The following COL23A1 variants were observed in gnomAD, a reference collection of about 807,000 sequenced individuals.
COL23A1 encodes the protein collagen alpha-1(XXIII) chain.
A neutral mutation model predicts 99.3 loss-of-function variants in COL23A1; 97 were observed. The observed-to-expected ratio is 0.98, with a 90% CI of 0.83 to 1.16. The LOEUF (loss-of-function observed/expected upper bound fraction) is 1.16. COL23A1 is among the 50% of genes most tolerant of loss of function. The probability of loss-of-function intolerance (pLI) is 0.00; values close to 1 mark genes in which losing one functional copy is unlikely to be tolerated. For missense variants in COL23A1, 762 were observed against 757.4 expected (o/e 1.01, Z -0.07); for synonymous variants, 320 against 308.2 (o/e 1.04, Z -0.40).
chr5:178,530,122 C>T (rs1185036776), intron 2 of COL23A1, among the ~76,000 whole-genome samples: 2 of 152,158 alleles, frequency 1.3e-5, no homozygotes, highest in South Asian at 2.1e-4. Context: ...AGATGCACAG[C>T]GGTTTTAAGC....
rs56140807 is a variant in COL23A1 at position 178,306,292 on chromosome 5, T to C, written c.406+583A>G. ...CATCAGAGGTCAGCATGACTTTAGCTAAGACGATGTCAGAGGGGCTTAGGG... is the reference window on the plus strand; with the variant it reads ...CATCAGAGGTCAGCATGACTTTAGCCAAGACGATGTCAGAGGGGCTTAGGG... On this transcript the variant is annotated intron_variant, in intron 3 of 28. Transcript: ENST00000390654. This position sits in a 1 kb window ranked among gnomAD's most constrained non-coding sequence, Gnocchi z 4.1. Among the ~76,000 whole-genome samples, 13,613 of 133,180 alleles carry C rather than the reference T, an allele frequency of 0.1. 638 individuals carry two copies. Among genetic ancestry groups the C allele is most frequent in the Middle Eastern group, 0.15 (43 of 278 alleles). 87.4% of individuals were successfully genotyped at this position (133,180 alleles called of 152,430 possible).
intron 9 of COL23A1, among the ~76,000 whole-genome samples, chr5:178,262,718 A>G (rs1765702713): frequency 6.6e-6 from 1 of 152,158 alleles, no homozygotes; most frequent in Admixed American, 6.5e-5. Flanking sequence ...AGGTCTGCAG[A>G]GACAGTGTCC....
intron 2 of COL23A1, among the ~76,000 whole-genome samples, chr5:178,557,421 G>A (rs1358761662): frequency 6.6e-6 from 1 of 152,204 alleles, no homozygotes; most frequent in East Asian, 1.9e-4. Context: ...ATTTTATTGA[G>A]GATGGGTGCA....
chr5:178,584,340 A>ACACACACACC (rs1763815066), intron 1 of COL23A1, among the ~76,000 whole-genome samples: 1 of 147,728 alleles, frequency 6.8e-6, no homozygotes, highest in Non-Finnish European at 1.5e-5. Flanking sequence ...ACACACACAC[A>ACACACACACC]CACCTAGAAA....
At chr5:178,541,497 C>T (rs1761285834) in intron 2 of COL23A1, among the ~76,000 whole-genome samples, 2 of 152,130 alleles carry the variant, frequency 1.3e-5, no homozygotes, top group Admixed American at 1.3e-4. Context: ...ATCGCTGGAA[C>T]CCAGGAGGTG....
At chr5:178,252,427 G>T in intron 17 of COL23A1, 117 bp downstream of exon 17, 1 of 942,710 alleles carries the variant, frequency 1.1e-6, no homozygotes, top group South Asian at 1.9e-5. Flanking sequence ...TGAGCTCCCG[G>T]AAGCCAGGCC....
intron 2 of COL23A1, among the ~76,000 whole-genome samples, chr5:178,478,995 T>C (rs1444687020): frequency 6.6e-6 from 1 of 152,098 alleles, no homozygotes; most frequent in Non-Finnish European, 1.5e-5. Context: ...TGAGTTTTCT[T>C]GTCACCCTGG....
chr5:178,248,380 A>G (rs980967388), intron 19 of COL23A1, 126 bp from the exon 20 acceptor site: 12 of 690,430 alleles, frequency 1.7e-5, no homozygotes, highest in Non-Finnish European at 2.9e-5. Context: ...AGCTGTTGCA[A>G]CTGAAAAGTT....
chr5:178,467,470 C>A (rs952979500), intron 2 of COL23A1, among the ~76,000 whole-genome samples: 1 of 152,178 alleles, frequency 6.6e-6, no homozygotes, highest in Non-Finnish European at 1.5e-5. Context: ...CCGGACTACA[C>A]GGAGGCAGTT....
In COL23A1 at chr5:178,484,045, C is replaced by T. The variant is rs147469772; in HGVS notation, c.361+76637G>A. On this transcript the variant is annotated intron_variant, in intron 2 of 28. Coordinates refer to ENST00000390654, the MANE Select transcript of COL23A1 (RefSeq NM_173465.4). The stretch of plus-strand genomic sequence containing the variant: ...CTCCCAGGTTCAAGCGATTCTCCTG[C>T]CTCAGTCTTCTGAGTAGCTGGGATT... Among the ~76,000 whole-genome samples the T allele has an allele frequency of 3.4e-4, 52 of 152,226 alleles. No individual in the cohort carries two copies. The East Asian group carries it at 8.7e-3, about 25-fold the overall frequency.
chr5:178,578,869 A>C (rs574079945), intron 1 of COL23A1, among the ~76,000 whole-genome samples: 17 of 152,182 alleles, frequency 1.1e-4, no homozygotes, highest in Non-Finnish European at 2.5e-4. Context: ...AAGCAAATTG[A>C]TTAGGTATTT....
intron 2 of COL23A1, among the ~76,000 whole-genome samples, chr5:178,400,020 A>T (rs192913174): frequency 1.3e-5 from 2 of 152,322 alleles, no homozygotes; most frequent in East Asian, 3.9e-4. Flanking sequence ...ACCAGCAAGA[A>T]CAGTCGGAGC....
At chr5:178,325,384 GC>G (rs1759591307) in intron 2 of COL23A1, among the ~76,000 whole-genome samples, 1 of 151,934 alleles carries the variant, frequency 6.6e-6, no homozygotes, top group Non-Finnish European at 1.5e-5. Flanking sequence ...AGCTCCACTT[GC>G]CCTCCATGAG....
At chr5:178,536,781 G>A (rs550076) in intron 2 of COL23A1, among the ~76,000 whole-genome samples, 63,985 of 152,148 alleles carry the variant, frequency 0.42, 13,761 homozygotes, top group Admixed American at 0.48. Flanking sequence ...GAGGTTTCCC[G>A]GGGAGGTGGG....
In COL23A1 at chr5:178,589,115, T is replaced by C. The variant is rs1322595279; in HGVS notation, c.294+789A>G. Among the ~76,000 whole-genome samples, 1 of 152,174 alleles carries C rather than the reference T, an allele frequency of 6.6e-6. No homozygotes were observed. Among genetic ancestry groups the C allele is most frequent in the Admixed American group, 6.5e-5 (1 of 15,282 alleles). ...GGAGGACCCAAAGGTGGCTCTTTCT[T>C]TGAAGACACACAGCAGCAATCTTAA... On this transcript the variant is annotated intron_variant, in intron 1 of 28. Transcript: ENST00000390654. This position sits in a 1 kb window ranked among gnomAD's most constrained non-coding sequence, Gnocchi z 5.4.
chr5:178,345,040 CCA>C, intron 2 of COL23A1: 1 of 583,156 alleles, frequency 1.7e-6, no homozygotes, highest in Non-Finnish European at 3.3e-6. Context: ...CTGGAGATCT[CCA>C]GAGTCATTTG....
chr5:178,354,725 T>G (rs1055348571), intron 2 of COL23A1, among the ~76,000 whole-genome samples: 2 of 152,202 alleles, frequency 1.3e-5, no homozygotes, highest in African/African-American at 4.8e-5. Flanking sequence ...GCCACTATGC[T>G]TCCCGTACAG....
chr5:178,270,372 C>CGA lies in COL23A1; in HGVS notation c.442-11_442-10dup, dbSNP rs371948521. 7.4e-6 allele frequency: 12 copies of CGA among 1,613,448 alleles called. No individual in the cohort carries two copies. The highest frequency in any genetic ancestry group is 4.5e-5 in the East Asian group (2 of 44,862). ...TCCAAACCCAGGGGTCCCTGGAAAACGAGAGAGAGAGAACACAGGTTACAC... is the reference window on the plus strand; with the variant it reads ...TCCAAACCCAGGGGTCCCTGGAAAACGAGAGAGAGAGAGAACACAGGTTACAC... On this transcript the variant is annotated splice_polypyrimidine_tract_variant and intron_variant, in intron 5 of 28. Transcript: ENST00000390654.
At chr5:178,503,660 G>A (rs930194958) in intron 2 of COL23A1, among the ~76,000 whole-genome samples, 1 of 152,114 alleles carries the variant, frequency 6.6e-6, no homozygotes, top group Non-Finnish European at 1.5e-5. Flanking sequence ...GAAAAGGGAG[G>A]GAGGGAGAGA....
Sources: allele counts gnomAD v4.1 joint callset (sites outside exome capture counted in the v4.1 genomes callset), GRCh38; gene constraint gnomAD v4.1.1; non-coding constraint Gnocchi (gnomAD v3.1); transcripts MANE v1.5; gene names NCBI Gene and HGNC (gene_info 2026-07-23, HGNC 2026-07-21).